Variants in IWS1 observed in about 807,000 individuals in gnomAD.
IWS1 encodes the protein protein IWS1 homolog.
A neutral mutation model predicts 86.7 loss-of-function variants in IWS1; 27 were observed. The ratio of observed to expected loss-of-function variants is 0.31; its 90% CI spans 0.23 to 0.43. The LOEUF is 0.43. Among genes scored for constraint, IWS1 ranks in the 20% least tolerant of loss-of-function variants. The pLI, the probability that IWS1 is intolerant of heterozygous loss-of-function variation, is 1.00. For synonymous variants in IWS1, 313 were observed against 335.1 expected, an observed-to-expected ratio of 0.93 and a Z score of 0.72; for missense variants, 827 against 1,000.8, an observed-to-expected ratio of 0.83 and a Z score of 2.34.
At chr2:127,511,951 G>A (rs1468981860) in intron 2 of IWS1, among the ~76,000 whole-genome samples, 1 of 152,148 alleles carries the variant, frequency 6.6e-6, no homozygotes, top group African/African-American at 2.4e-5. Context: ...CCAAACAAGA[G>A]CAGACTTTTT....
chr2:127,519,642 T>C (rs1481030001), intron 2 of IWS1, among the ~76,000 whole-genome samples: 2 of 152,196 alleles, frequency 1.3e-5, no homozygotes, highest in African/African-American at 4.8e-5. Context: ...AGCAAAATAA[T>C]GGCCCTTCAA....
intron 2 of IWS1, among the ~76,000 whole-genome samples, chr2:127,509,194 A>G (rs916634634): frequency 2.0e-5 from 3 of 152,226 alleles, no homozygotes; most frequent in Non-Finnish European, 2.9e-5. Flanking sequence ...GTTAAGCTTA[A>G]AAGTTATCAA....
rs577393739 is a variant in IWS1 at position 127,526,447 on chromosome 2, C to A, written c.-239G>T. ...GCGGGCGGGCAGGCATGCGAGCCGG[C>A]GTTCTACTTCCTAGAAGCACCGCTG... On this transcript the variant is annotated 5_prime_UTR_variant, in exon 1 of 14. Coordinates refer to ENST00000295321, the MANE Select transcript of IWS1 (RefSeq NM_017969.3). The A allele has an allele frequency of 2.0e-6, 3 of 1,533,084 alleles. No individual in the cohort carries two copies. Among genetic ancestry groups the A allele is most frequent in the Admixed American group, 2.0e-5 (1 of 50,654 alleles). The allele number at this position is 1,533,084 out of a possible 1,614,324, so 95.0% of individuals were successfully genotyped here.
chr2:127,491,375 G>A, intron 10 of IWS1, among the ~76,000 whole-genome samples: 1 of 152,134 alleles, frequency 6.6e-6, no homozygotes, highest in Non-Finnish European at 1.5e-5. Flanking sequence ...CAACTCCATG[G>A]CCTGCAATCT....
Position 127,505,437 on chromosome 2 carries a change from C to A in IWS1, c.466G>T (p.Ala156Ser). The A allele has an allele frequency of 5.6e-6, 9 of 1,614,124 alleles. No homozygotes were observed. Among genetic ancestry groups the A allele is most frequent in the Non-Finnish European group, 7.6e-6 (9 of 1,180,034 alleles). The change falls in exon 3 of 14, where the codon GCC becomes TCC. Residue 156 changes from alanine to serine, a missense_variant. Transcript: ENST00000295321. The surrounding 1 kb of genome is among the most constrained non-coding windows in gnomAD (Gnocchi z 5.0). Reference sequence around the variant, plus strand: ...AGCTCCTCAATCTCAGAATCACTGGCGGGATGCTTCCCAACATCTTCGTTT... The same window carrying A: ...AGCTCCTCAATCTCAGAATCACTGGAGGGATGCTTCCCAACATCTTCGTTT... ...SENEDVGKHP[A>S]SDSEIEELQK...
Position 127,504,980 on chromosome 2 carries a change from T to C in IWS1, c.923A>G (p.Gln308Arg), listed in dbSNP as rs906059901. 3 of 1,614,110 alleles carry C rather than the reference T, an allele frequency of 1.9e-6. No homozygotes were observed. The highest frequency in any genetic ancestry group is 2.5e-6 in the Non-Finnish European group (3 of 1,180,018). Residue 308 changes from glutamine to arginine, a missense_variant, in exon 3 of 14, where the codon CAG (glutamine) becomes CGG (arginine). By Grantham distance (43) the Gln-to-Arg change is conservative. This residue lies in a region of IWS1 where 548 missense variants were observed against 560.2 expected (regional missense o/e 0.98). Coordinates refer to ENST00000295321, the MANE Select transcript of IWS1 (RefSeq NM_017969.3). ...RVSDSESEGPQKGPASDSETE... is the reference protein window; with the variant it reads ...RVSDSESEGPRKGPASDSETE... ...TTCTGAGTCACTGGCAGGCCCCTTC[T>C]GAGGCCCCTCACTCTCAGAGTCACT...
upstream of IWS1, among the ~76,000 whole-genome samples, chr2:127,527,045 TC>T (rs1395218514): frequency 6.6e-6 from 1 of 152,232 alleles, no homozygotes; most frequent in Non-Finnish European, 1.5e-5. Flanking sequence ...CCAGAAGGGT[TC>T]CCCTGATGAA....
At chr2:127,493,467 G>T in intron 8 of IWS1, 57 bp from the exon 9 acceptor site, 1 of 1,484,922 alleles carries the variant, frequency 6.7e-7, no homozygotes, top group South Asian at 1.3e-5. Context: ...TGTATCTTCC[G>T]ACTTTTCTTA....
Position 127,483,199 on chromosome 2 carries a change from C to T in IWS1, c.2329-2024G>A, listed in dbSNP as rs190226982. Among the ~76,000 whole-genome samples, 5 of 152,216 alleles carry T rather than the reference C, an allele frequency of 3.3e-5. No homozygotes were observed. In the East Asian group the frequency reaches 9.7e-4, roughly 29 times the overall value. On this transcript the variant is annotated intron_variant, in intron 13 of 13. Coordinates refer to ENST00000295321, the MANE Select transcript of IWS1 (RefSeq NM_017969.3). Reference sequence around the variant, plus strand: ...AAAAGTTCATGAAAAAATAGGCATTCCTTTGTCATTTTACTGTTATTTTAG... The same window carrying T: ...AAAAGTTCATGAAAAAATAGGCATTTCTTTGTCATTTTACTGTTATTTTAG...
chr2:127,486,535 G>C lies in IWS1; in HGVS notation c.2328+18C>G. On this transcript the variant is annotated intron_variant, in intron 13 of 13. Coordinates refer to ENST00000295321, the MANE Select transcript of IWS1 (RefSeq NM_017969.3). ...ATCTGCAGGTGAGATCCACCTTGCC[G>C]ATCCTCCGCTTGCTTACCCTGGATG... The C allele has an allele frequency of 6.4e-7, 1 of 1,561,260 alleles. No individual in the cohort carries two copies. Among genetic ancestry groups the C allele is most frequent in the Non-Finnish European group, 8.8e-7 (1 of 1,132,078 alleles).
intron 2 of IWS1, among the ~76,000 whole-genome samples, chr2:127,511,982 T>G (rs1691477663): frequency 6.6e-6 from 1 of 152,182 alleles, no homozygotes; most frequent in Non-Finnish European, 1.5e-5. Context: ...ATTCAAGTAA[T>G]GTTGGAGCTA....
At chr2:127,506,884 T>G (rs2104708317) in intron 2 of IWS1, among the ~76,000 whole-genome samples, 1 of 152,290 alleles carries the variant, frequency 6.6e-6, no homozygotes, top group African/African-American at 2.4e-5. Context: ...ATATACAAAA[T>G]TAAACATGCC....
upstream of IWS1, chr2:127,526,718 T>C: frequency 7.7e-7 from 1 of 1,297,290 alleles, no homozygotes; most frequent in Non-Finnish European, 1.0e-6. Context: ...TCTGTGTCCG[T>C]GCCTTGTTTG....
At chr2:127,526,618 C>A (rs929310295), upstream of IWS1, 4 of 1,346,538 alleles carry the variant, frequency 3.0e-6, no homozygotes, top group African/African-American at 3.0e-5. Flanking sequence ...AGCTGGAACT[C>A]GGGCTTTAGT....
chr2:127,519,825 G>A (rs1691988711), intron 2 of IWS1, among the ~76,000 whole-genome samples: 2 of 152,200 alleles, frequency 1.3e-5, no homozygotes, highest in Non-Finnish European at 2.9e-5. Flanking sequence ...GAAGGTCAGA[G>A]TAAGAGAGAG....
intron 2 of IWS1, among the ~76,000 whole-genome samples, chr2:127,506,508 AT>A (rs1043798555): frequency 6.6e-6 from 1 of 152,344 alleles, no homozygotes; most frequent in Admixed American, 6.5e-5. Flanking sequence ...ATAAAATTTA[AT>A]TTTATTTAAA....
rs3033265 is a variant in IWS1, at chr2:127,503,669, AAAATAAATAAATAAAT to A, written c.1220-109_1220-94del. On this transcript the variant is annotated intron_variant, in intron 3 of 13. Transcript: ENST00000295321. The stretch of plus-strand genomic sequence containing the variant: ...TGCTTTAAGATGGCAGTATACAGCA[AAAATAAATAAATAAAT>A]AAATAAATAAATAAATAAATAAAAT... 7.5e-4 allele frequency: 213 copies of A among 285,346 alleles called. 3 individuals are homozygous for A. Among genetic ancestry groups the A allele is most frequent in the Middle Eastern group, 6.9e-3 (8 of 1,164 alleles). 17.7% of individuals were successfully genotyped at this position (285,346 alleles called of 1,614,324 possible). A position where few individuals can be genotyped will look rare whatever the true frequency, so the allele number is the denominator to read the frequency against.
chr2:127,513,493 T>C (rs1691584332), intron 2 of IWS1, among the ~76,000 whole-genome samples: 1 of 152,002 alleles, frequency 6.6e-6, no homozygotes, highest in Admixed American at 6.6e-5. Flanking sequence ...ACTAATCTAT[T>C]AGGAAAAGAC....
chr2:127,526,716 C>T (rs776492066), upstream of IWS1: 5 of 1,299,000 alleles, frequency 3.8e-6, no homozygotes, highest in Admixed American at 2.3e-5. Context: ...ATTCTGTGTC[C>T]GTGCCTTGTT....
Sources: gnomAD v4.1 joint callset for allele counts (sites outside exome capture counted in the v4.1 genomes callset) on GRCh38, gnomAD v4.1.1 for gene constraint, gnomAD v4.1.1 regional missense constraint, Gnocchi (gnomAD v3.1) non-coding constraint, MANE v1.5 for transcripts, NCBI Gene and HGNC (gene_info 2026-07-23, HGNC 2026-07-21) for gene names.